RNF150: variants seen among roughly 807,000 people sequenced by gnomAD.
The protein encoded by RNF150 is ring finger protein 150.
Under a neutral mutation model 39.3 loss-of-function variants are expected in RNF150, and 24 were observed. The ratio of observed to expected loss-of-function variants is 0.61; its 90% CI spans 0.44 to 0.86. The LOEUF (loss-of-function observed/expected upper bound fraction) is 0.86. Ranked by LOEUF, RNF150 falls within the 40% of genes least tolerant of loss-of-function variation. The pLI, the probability that RNF150 is intolerant of heterozygous loss-of-function variation, is 0.00. For synonymous variants in RNF150, 255 were observed against 227.3 expected, an observed-to-expected ratio of 1.12 and a Z score of -1.10; for missense variants, 502 against 587.8, an observed-to-expected ratio of 0.85 and a Z score of 1.51.
chr4:141,013,339 G>A (rs1449370516), intron 1 of RNF150, among the ~76,000 whole-genome samples: 2 of 152,110 alleles, frequency 1.3e-5, no homozygotes, highest in African/African-American at 4.8e-5. Context: ...GGGATAAGAG[G>A]TACTGTTCTT....
intron 1 of RNF150, among the ~76,000 whole-genome samples, chr4:141,205,205 T>A (rs758296210): frequency 2.0e-5 from 3 of 152,148 alleles, no homozygotes; most frequent in Non-Finnish European, 2.9e-5. Context: ...TCATTTTGAG[T>A]TTTCATAGTC....
rs543402148 is a variant in RNF150, at chr4:140,919,291, T to A, written c.987+6686A>T. 9.1e-3 allele frequency among the ~76,000 whole-genome samples: 1,310 copies of A among 144,430 alleles called. 13 individuals are homozygous for A. Among genetic ancestry groups the A allele is most frequent in the Non-Finnish European group, 0.014 (927 of 66,114 alleles). The allele number at this position is 144,430 out of a possible 152,430, so 94.8% of individuals were successfully genotyped here. ...TGATTGTATATCTAGAAAACCCCAC[T>A]GTCTCAGCCCAAAATCTCCTTAAGC... On this transcript the variant is annotated intron_variant, in intron 5 of 6. Coordinates refer to ENST00000515673, the MANE Select transcript of RNF150 (RefSeq NM_020724.2).
intron 4 of RNF150, among the ~76,000 whole-genome samples, chr4:140,946,062 C>T (rs62325701): frequency 0.072 from 10,924 of 152,202 alleles, 457 homozygotes; most frequent in Middle Eastern, 0.11. Flanking sequence ...ACTTACATAG[C>T]GAATCCTCAT....
intron 1 of RNF150, among the ~76,000 whole-genome samples, chr4:141,054,024 T>C (rs1000145376): frequency 3.9e-5 from 6 of 152,180 alleles, no homozygotes; most frequent in African/African-American, 1.4e-4. Context: ...CTAAGTGAAA[T>C]ATTTCAAATG....
intron 1 of RNF150, among the ~76,000 whole-genome samples, chr4:141,119,330 C>G (rs1223617028): frequency 2.6e-5 from 4 of 152,170 alleles, no homozygotes; most frequent in African/African-American, 9.7e-5. Context: ...AGTCCATATA[C>G]AAAGAGACAG....
chr4:141,164,851 A>G (rs1040506020), intron 1 of RNF150, among the ~76,000 whole-genome samples: 1 of 152,132 alleles, frequency 6.6e-6, no homozygotes, highest in African/African-American at 2.4e-5. Context: ...AAATATACCA[A>G]AATGTAAAGA....
rs533832695 is a variant in RNF150 at position 140,966,492 on chromosome 4, G to C, written c.735+1131C>G. ...AGGGTTAATTTCCTTGACTAATAAA[G>C]AGTTTATACACATTAATAAGAAAAT... On this transcript the variant is annotated intron_variant, in intron 2 of 6. Transcript: ENST00000515673. Among the ~76,000 whole-genome samples, 5 of 152,108 alleles carry C rather than the reference G, an allele frequency of 3.3e-5. No individual in the cohort carries two copies. In the South Asian group the frequency reaches 1.0e-3, roughly 32 times the overall value.
chr4:141,157,743 T>G (rs944791311), intron 1 of RNF150, among the ~76,000 whole-genome samples: 18 of 152,212 alleles, frequency 1.2e-4, no homozygotes, highest in African/African-American at 4.3e-4. Flanking sequence ...ATTTGCAACG[T>G]GCATTATAGT....
intron 1 of RNF150, among the ~76,000 whole-genome samples, chr4:141,161,348 T>C (rs1727509078): frequency 6.6e-6 from 1 of 152,216 alleles, no homozygotes; most frequent in Non-Finnish European, 1.5e-5. Flanking sequence ...GTTCAAGATG[T>C]GGCTTGGCTT....
At chr4:141,060,473 G>C (rs1321704165) in intron 1 of RNF150, among the ~76,000 whole-genome samples, 1 of 152,030 alleles carries the variant, frequency 6.6e-6, no homozygotes, top group Non-Finnish European at 1.5e-5. Flanking sequence ...GAAAATAAAA[G>C]AAAATTTATT....
chr4:141,178,765 G>C lies in RNF150; in HGVS notation c.-6+34029C>G, dbSNP rs139142468. On this transcript the variant is annotated intron_variant, in intron 1 of 7. Coordinates refer to the RNF150 transcript ENST00000420921. ...TTCTCCAACTGCTTCTTAATGTCAA[G>C]TTCAATATTGTTCATGTTGAATGAT... Among the ~76,000 whole-genome samples the C allele has an allele frequency of 8.6e-4, 131 of 152,128 alleles. 1 individual carries two copies. Among genetic ancestry groups the C allele is most frequent in the African/African-American group, 2.9e-3 (119 of 41,516 alleles).
At chr4:141,180,785 C>T (rs561121498) in intron 1 of RNF150, among the ~76,000 whole-genome samples, 1 of 152,150 alleles carries the variant, frequency 6.6e-6, no homozygotes, top group African/African-American at 2.4e-5. Context: ...TTTTCAAATA[C>T]TTTTCTCCCC....
chr4:140,950,671 C>T (rs1056479159), intron 2 of RNF150, among the ~76,000 whole-genome samples: 3 of 152,250 alleles, frequency 2.0e-5, no homozygotes, highest in African/African-American at 7.2e-5. Context: ...CAACGTCTGG[C>T]TAGCCAGCTA....
In RNF150 at chr4:140,874,130, T is replaced by A. The variant is rs1353000274; in HGVS notation, c.1199-5751A>T. Among the ~76,000 whole-genome samples the A allele has an allele frequency of 2.6e-5, 4 of 152,254 alleles. No individual in the cohort carries two copies. In the East Asian group the frequency reaches 7.7e-4, roughly 29 times the overall value. On this transcript the variant is annotated intron_variant, in intron 6 of 6. Coordinates refer to ENST00000515673, the MANE Select transcript of RNF150 (RefSeq NM_020724.2). ...TTAATTCCATTTAGTCCATAAATTATTGATATCTTTGGTTTATCTCTTTCC... is the reference window on the plus strand; with the variant it reads ...TTAATTCCATTTAGTCCATAAATTAATGATATCTTTGGTTTATCTCTTTCC...
intron 2 of RNF150, among the ~76,000 whole-genome samples, chr4:140,950,550 T>TA (rs1363756741): frequency 6.6e-6 from 1 of 152,202 alleles, no homozygotes; most frequent in Non-Finnish European, 1.5e-5. Context: ...AGTTTGACTT[T>TA]AAAATCAAAG....
chr4:141,143,821 C>T lies in RNF150; in HGVS notation c.-6+68973G>A, dbSNP rs184401395. Among the ~76,000 whole-genome samples the T allele has an allele frequency of 8.2e-4, 125 of 152,286 alleles. 1 individual carries two copies. The East Asian group carries it at 0.02, about 25-fold the overall frequency. On this transcript the variant is annotated intron_variant, in intron 1 of 7. Transcript: ENST00000420921. ...CTTGTGTCTGGAATGCTCTTTCCCT[C>T]ACCCTTCAAAGGACTAATGCCTCTT...
chr4:140,988,791 T>G (rs939456623), intron 1 of RNF150, among the ~76,000 whole-genome samples: 7 of 152,106 alleles, frequency 4.6e-5, no homozygotes, highest in Non-Finnish European at 7.4e-5. Flanking sequence ...AAGAAAATGT[T>G]GCACATATAC....
chr4:141,057,294 T>C (rs1033281670), intron 1 of RNF150, among the ~76,000 whole-genome samples: 24 of 151,858 alleles, frequency 1.6e-4, no homozygotes, highest in African/African-American at 5.3e-4. Context: ...ATATTTTACA[T>C]AATTAAAATT....
At chr4:141,142,773 G>A (rs1232116389) in intron 1 of RNF150, among the ~76,000 whole-genome samples, 1 of 152,088 alleles carries the variant, frequency 6.6e-6, no homozygotes, top group Non-Finnish European at 1.5e-5. Context: ...GAAAATGTTG[G>A]GGTTCCTTCA....
Sources: allele counts gnomAD v4.1 joint callset (sites outside exome capture counted in the v4.1 genomes callset), GRCh38; gene constraint gnomAD v4.1.1; transcripts MANE v1.5; gene names NCBI Gene and HGNC (gene_info 2026-07-23, HGNC 2026-07-21).